Variants in EHMT1 observed in about 807,000 individuals in gnomAD.
EHMT1 encodes euchromatic histone lysine methyltransferase 1.
Under a neutral mutation model 147.2 loss-of-function variants are expected in EHMT1, and 15 were observed. The observed-to-expected ratio is 0.10, with a 90% CI of 0.07 to 0.16. The LOEUF (loss-of-function observed/expected upper bound fraction) is 0.16, where lower values mean the gene tolerates loss of function less well. Ranked by LOEUF, EHMT1 falls within the 10% of genes least tolerant of loss-of-function variation. The pLI is 1.00. For missense variants in EHMT1, 1,587 were observed against 1,772.4 expected (o/e 0.90, Z 1.88); for synonymous variants, 795 against 709.6 (o/e 1.12, Z -1.91).
chr9:137,823,163 G>GA (rs1564828163), intron 25 of EHMT1, among the ~76,000 whole-genome samples: 5 of 138,572 alleles, frequency 3.6e-5, no homozygotes, highest in Non-Finnish European at 7.6e-5. Flanking sequence ...CAGTGACGCA[G>GA]TCTCGGCTCA....
intron 1 of EHMT1, chr9:137,646,370 C>T: frequency 1.0e-6 from 1 of 985,530 alleles, no homozygotes. Flanking sequence ...CAAGTTTGTG[C>T]TGCGGGCAAG....
intron 4 of EHMT1, among the ~76,000 whole-genome samples, chr9:137,737,142 G>A (rs1947609377): frequency 1.3e-5 from 2 of 152,112 alleles, no homozygotes; most frequent in Non-Finnish European, 2.9e-5. Context: ...AGCCCAGAAG[G>A]TCGAGGCTGC....
At chr9:137,802,511 A>G in intron 18 of EHMT1, 2 of 398,690 alleles carry the variant, frequency 5.0e-6, no homozygotes, top group Non-Finnish European at 8.8e-6. Flanking sequence ...TTCTAAAAGC[A>G]CACTATTAAA....
intron 2 of EHMT1, among the ~76,000 whole-genome samples, chr9:137,713,780 T>G (rs1944956855): frequency 1.3e-5 from 2 of 151,554 alleles, no homozygotes; most frequent in African/African-American, 4.8e-5. Flanking sequence ...TGAAACCCCA[T>G]CTCTACTAAA....
rs776637148 is a variant in EHMT1, at chr9:137,776,574, ACCC to A, written c.1792-42_1792-40del. 1 of 1,597,450 alleles carries A rather than the reference ACCC, an allele frequency of 6.3e-7. No homozygotes were observed. The highest frequency in any genetic ancestry group is 8.6e-7 in the Non-Finnish European group (1 of 1,165,958). ...TAGTACTTTATTTTTCTAAATATTA[ACCC>A]CAATTAAAACAAAAATTTTTTTTTG... is the stretch of plus-strand genomic sequence containing the variant. On this transcript the variant is annotated intron_variant, in intron 11 of 26. Transcript: ENST00000460843. The surrounding 1 kb of genome is among the most constrained non-coding windows in gnomAD (Gnocchi z 4.4).
At chr9:137,740,537 C>G (rs1370343355) in intron 4 of EHMT1, among the ~76,000 whole-genome samples, 1 of 152,248 alleles carries the variant, frequency 6.6e-6, no homozygotes, top group Non-Finnish European at 1.5e-5. Flanking sequence ...CAGACCCCTT[C>G]CCTGGACACA....
Position 137,776,955 on chromosome 9 carries a change from A to G in EHMT1, c.2018+111A>G, listed in dbSNP as rs1951008534. 1.0e-6 allele frequency: 1 copy of G among 961,772 alleles called. No homozygotes were observed. The highest frequency in any genetic ancestry group is 1.6e-6 in the Non-Finnish European group (1 of 631,084). 59.6% of individuals were successfully genotyped at this position (961,772 alleles called of 1,614,324 possible). The stretch of plus-strand genomic sequence containing the variant: ...GTTTTTTCCAGAAGTCTCTGAGCTG[A>G]TGCTGATGCTTATGGTGATTTCTGA... On this transcript the variant is annotated intron_variant, in intron 12 of 26. Coordinates refer to ENST00000460843, the MANE Select transcript of EHMT1 (RefSeq NM_024757.5). This position sits in a 1 kb window ranked among gnomAD's most constrained non-coding sequence, Gnocchi z 4.4.
rs769936031 is a variant in EHMT1 at position 137,716,767 on chromosome 9, G to A, written c.227G>A (p.Ser76Asn). 1 of 1,613,052 alleles carries A rather than the reference G, an allele frequency of 6.2e-7. No homozygotes were observed. The highest frequency in any genetic ancestry group is 8.5e-7 in the Non-Finnish European group (1 of 1,179,806). The change falls in exon 3 of 27, where the codon AGC (serine) becomes AAC (asparagine). Residue 76 changes from serine to asparagine, a missense_variant. Ser to Asn is a conservative substitution (Grantham distance 46). Around this residue, in one of 7 missense-constraint regions of EHMT1, gnomAD observed 810 missense variants for 673.0 expected, o/e 1.20. Coordinates refer to ENST00000460843, the MANE Select transcript of EHMT1 (RefSeq NM_024757.5). ...HANAAKHTQD[S>N]ARVNPQDGTN... ...AATGCTGCAAAGCACACTCAGGACAGCGCAAGGGTCAACCCCCAGGATGGC... is the reference window on the plus strand; with the variant it reads ...AATGCTGCAAAGCACACTCAGGACAACGCAAGGGTCAACCCCCAGGATGGC...
rs1940223079 is a variant in EHMT1 at position 137,669,455 on chromosome 9, ACCT to A, written c.22-41509_22-41507del. On this transcript the variant is annotated intron_variant, in intron 1 of 26. Coordinates refer to ENST00000460843, the MANE Select transcript of EHMT1 (RefSeq NM_024757.5). The stretch of plus-strand genomic sequence containing the variant: ...GACGCCGCCCACAGCACGTGCACTC[ACCT>A]CCACCCAAGACGCCCCCCACAGCAC... Among the ~76,000 whole-genome samples the A allele has an allele frequency of 8.7e-5, 7 of 80,348 alleles. No homozygotes were observed. The South Asian group carries it at 1.4e-3, about 15-fold the overall frequency. 52.7% of individuals were successfully genotyped at this position (80,348 alleles called of 152,430 possible). A position where few individuals can be genotyped will look rare whatever the true frequency, so the allele number is the denominator to read the frequency against.
intron 8 of EHMT1, among the ~76,000 whole-genome samples, chr9:137,756,100 G>C (rs1949356436): frequency 6.6e-6 from 1 of 152,186 alleles, no homozygotes; most frequent in African/African-American, 2.4e-5. Context: ...TCATGCTTTT[G>C]TGCTCTAAGA....
At chr9:137,654,278 C>T (rs184168955) in intron 1 of EHMT1, among the ~76,000 whole-genome samples, 18 of 152,056 alleles carry the variant, frequency 1.2e-4, no homozygotes, top group African/African-American at 3.6e-4. Context: ...GCAGAAGTAT[C>T]GCTTGGACGT....
chr9:137,810,453 A>T (rs2137644995), intron 18 of EHMT1, among the ~76,000 whole-genome samples: 1 of 152,372 alleles, frequency 6.6e-6, no homozygotes, highest in East Asian at 1.9e-4. Flanking sequence ...CGATAGAGTT[A>T]GGGATACTTC....
At chr9:137,736,622 G>A (rs1285183989) in intron 4 of EHMT1, among the ~76,000 whole-genome samples, 1 of 152,276 alleles carries the variant, frequency 6.6e-6, no homozygotes, top group Non-Finnish European at 1.5e-5. Context: ...CGGGCGCGAT[G>A]GCGCACGCCT....
At position 137,787,884 on chromosome 9, in the gene EHMT1, G is replaced by T; in HGVS notation, c.2383-2964G>T. ...ATAGGAGGTGGGTGGGGGTGCCAAG[G>T]GCATTACCACATTGGGAGTGTAGAT... On this transcript the variant is annotated intron_variant, in intron 15 of 26. Transcript: ENST00000460843. The surrounding 1 kb of genome is among the most constrained non-coding windows in gnomAD (Gnocchi z 4.2). 4.6e-6 allele frequency: 6 copies of T among 1,316,376 alleles called. No individual in the cohort carries two copies. Among genetic ancestry groups the T allele is most frequent in the Non-Finnish European group, 6.6e-6 (6 of 912,458 alleles). 81.5% of individuals were successfully genotyped at this position (1,316,376 alleles called of 1,614,324 possible).
At chr9:137,789,940 G>A (rs1952389510) in intron 15 of EHMT1, among the ~76,000 whole-genome samples, 1 of 152,226 alleles carries the variant, frequency 6.6e-6, no homozygotes, top group Non-Finnish European at 1.5e-5. Context: ...ATGTTGGCCA[G>A]GCTGGTCTCG....
intron 18 of EHMT1, among the ~76,000 whole-genome samples, chr9:137,810,997 G>A: frequency 6.6e-6 from 1 of 151,912 alleles, no homozygotes. Flanking sequence ...CACCATGCCC[G>A]GCCCAAAATT....
intron 1 of EHMT1, among the ~76,000 whole-genome samples, chr9:137,693,011 G>A (rs879358785): frequency 1.3e-5 from 2 of 152,176 alleles, no homozygotes; most frequent in South Asian, 2.1e-4. Context: ...CCTCACCTGG[G>A]GGCTTTGGAC....
At chr9:137,687,620 T>C (rs1045424403) in intron 1 of EHMT1, among the ~76,000 whole-genome samples, 17 of 152,122 alleles carry the variant, frequency 1.1e-4, no homozygotes, top group African/African-American at 3.9e-4. Flanking sequence ...AGAGTTTTCA[T>C]GAATGGGATT....
chr9:137,809,610 C>A (rs982545130), intron 18 of EHMT1, among the ~76,000 whole-genome samples: 1 of 152,234 alleles, frequency 6.6e-6, no homozygotes, highest in African/African-American at 2.4e-5. Context: ...AGGCTGCAGC[C>A]GGCGCTCCCA....
Sources: gnomAD v4.1 joint callset for allele counts (sites outside exome capture counted in the v4.1 genomes callset) on GRCh38, gnomAD v4.1.1 for gene constraint, gnomAD v4.1.1 regional missense constraint, Gnocchi (gnomAD v3.1) non-coding constraint, MANE v1.5 for transcripts, NCBI Gene and HGNC (gene_info 2026-07-23, HGNC 2026-07-21) for gene names.